ZNF236: variants seen among roughly 807,000 people sequenced by gnomAD.
ZNF236 encodes regulated by glucose.
A neutral mutation model predicts 191.2 loss-of-function variants in ZNF236; 50 were observed. The observed-to-expected ratio is 0.26, with a 90% CI of 0.21 to 0.33. The LOEUF (loss-of-function observed/expected upper bound fraction) is 0.33, where lower values mean the gene tolerates loss of function less well. ZNF236 is among the 10% of genes least tolerant of loss of function. ZNF236 has a pLI of 1.00. For synonymous variants in ZNF236, 907 were observed against 928.8 expected (o/e 0.98, Z 0.43); for missense variants, 1,754 against 2,374.5 (o/e 0.74, Z 5.43).
chr18:76,916,196 T>A (rs1448276491), intron 19 of ZNF236, among the ~76,000 whole-genome samples: 1 of 152,238 alleles, frequency 6.6e-6, no homozygotes, highest in Non-Finnish European at 1.5e-5. Context: ...CTATATAGTG[T>A]AGTATGCTTA....
At chr18:76,862,055 G>A (rs1976251859) in intron 3 of ZNF236, among the ~76,000 whole-genome samples, 1 of 152,010 alleles carries the variant, frequency 6.6e-6, no homozygotes, top group African/African-American at 2.4e-5. Flanking sequence ...AGTAGAGATG[G>A]GATTTCACTG....
chr18:76,966,899 T>C (rs1968789065), intron 30 of ZNF236, among the ~76,000 whole-genome samples: 1 of 152,186 alleles, frequency 6.6e-6, no homozygotes, highest in Non-Finnish European at 1.5e-5. Context: ...GAACTAGAAA[T>C]GTTAAAGTCT....
chr18:76,843,802 A>AAAAAAAAAAAAAT (rs1975589223), intron 1 of ZNF236, among the ~76,000 whole-genome samples: 1 of 133,926 alleles, frequency 7.5e-6, no homozygotes. Context: ...AAAAAAAAAA[A>AAAAAAAAAAAAAT]AAAGTAAAGA....
At chr18:76,959,424 A>G (rs1399888326) in intron 28 of ZNF236, among the ~76,000 whole-genome samples, 6 of 152,160 alleles carry the variant, frequency 3.9e-5, no homozygotes, top group Non-Finnish European at 5.9e-5. Flanking sequence ...TTCTACCCCT[A>G]TTTGGGACAC....
chr18:76,936,573 A>G (rs1227214591), intron 25 of ZNF236, among the ~76,000 whole-genome samples: 2 of 152,386 alleles, frequency 1.3e-5, no homozygotes, highest in Admixed American at 6.5e-5. Context: ...TAAAGGATTT[A>G]TGAGATGTAT....
intron 2 of ZNF236, among the ~76,000 whole-genome samples, chr18:76,850,287 A>G (rs1975821385): frequency 6.6e-6 from 1 of 152,168 alleles, no homozygotes; most frequent in South Asian, 2.1e-4. Context: ...GAGACTGGAA[A>G]AACACCATGG....
Position 76,875,707 on chromosome 18 carries a change from AG to A in ZNF236, c.840+44del, listed in dbSNP as rs1568207566. 1.4e-6 allele frequency: 2 copies of A among 1,402,930 alleles called. No individual in the cohort carries two copies. The allele number at this position is 1,402,930 out of a possible 1,614,324, so 86.9% of individuals were successfully genotyped here. ...GCATAAGCGGTATTTCACAGGGGAC[AG>A]TAGGTATCTTTTGGGTTAATAAACG... On this transcript the variant is annotated intron_variant, in intron 6 of 30. Transcript: ENST00000320610. The surrounding 1 kb of genome is among the most constrained non-coding windows in gnomAD (Gnocchi z 4.3).
intron 3 of ZNF236, among the ~76,000 whole-genome samples, chr18:76,868,432 G>A (rs1291470469): frequency 6.6e-6 from 1 of 152,146 alleles, no homozygotes; most frequent in African/African-American, 2.4e-5. Context: ...CTCAAAAATT[G>A]TGTCAATCTC....
Position 76,886,854 on chromosome 18 carries a change from G to T in ZNF236, c.1417+5342G>T, listed in dbSNP as rs79270526. On this transcript the variant is annotated intron_variant, in intron 9 of 30. Transcript: ENST00000320610. Reference sequence around the variant, plus strand: ...AGCAAAAGCCAGTATCTTAGAGGAGGTCCCGTCATCAGGAGCTAGTCACCG... The same window carrying T: ...AGCAAAAGCCAGTATCTTAGAGGAGTTCCCGTCATCAGGAGCTAGTCACCG... 1,492 of 171,884 alleles carry T rather than the reference G, an allele frequency of 8.7e-3. 24 individuals carry two copies. Among genetic ancestry groups the T allele is most frequent in the African/African-American group, 0.034 (1,431 of 41,694 alleles). The allele number at this position is 171,884 out of a possible 1,614,324, so 10.6% of individuals were successfully genotyped here.
In ZNF236 at chr18:76,960,611, T is replaced by G. The variant is rs1206838488; in HGVS notation, c.5243-68T>G. On this transcript the variant is annotated intron_variant, in intron 29 of 30. Coordinates refer to ENST00000320610, the MANE Select transcript of ZNF236 (RefSeq NM_001306089.2). The surrounding 1 kb of genome is among the most constrained non-coding windows in gnomAD (Gnocchi z 4.4). Reference sequence around the variant, plus strand: ...ACATTCAGTCCCTCTTGTTCATACCTCAGGGTAGAGCCCAGGCATCCACTA... The same window carrying G: ...ACATTCAGTCCCTCTTGTTCATACCGCAGGGTAGAGCCCAGGCATCCACTA... The G allele has an allele frequency of 2.5e-6, 4 of 1,579,100 alleles. No homozygotes were observed. In the Admixed American group the frequency reaches 5.0e-5, roughly 20 times the overall value.
At position 76,895,284 on chromosome 18, in the gene ZNF236, A is replaced by C. The variant is rs763159960; in HGVS notation, c.1689A>C (p.Thr563=). The C allele has an allele frequency of 6.3e-7, 1 of 1,598,568 alleles. No homozygotes were observed. The change falls in exon 10 of 31, where the codon ACA becomes ACC. Residue 563 remains threonine, a splice_region_variant and synonymous_variant. Coordinates refer to ENST00000320610, the MANE Select transcript of ZNF236 (RefSeq NM_001306089.2). ...GSLKVHIRLH[T]GVRPFACPHC... is the part of the protein sequence containing the mutation. ...TCAAGGTGCACATTCGCCTGCACACAGGTATGGCCTCAGGGCTGGGCCCAC... is the reference window on the plus strand; with the variant it reads ...TCAAGGTGCACATTCGCCTGCACACCGGTATGGCCTCAGGGCTGGGCCCAC...
chr18:76,850,219 TA>T (rs1244049922), intron 2 of ZNF236, among the ~76,000 whole-genome samples: 1 of 152,168 alleles, frequency 6.6e-6, no homozygotes, highest in Non-Finnish European at 1.5e-5. Context: ...AAACTATAAT[TA>T]AAAAAGTGAT....
chr18:76,925,882 A>T lies in ZNF236; in HGVS notation c.4027+328A>T, dbSNP rs184325267. Among the ~76,000 whole-genome samples, 50 of 152,338 alleles carry T rather than the reference A, an allele frequency of 3.3e-4. No individual in the cohort carries two copies. In the East Asian group the frequency reaches 8.3e-3, roughly 25 times the overall value. ...GAGAAGTGTAATTTATAAATACTCA[A>T]TAGCATTGTTTTTGATATAGTGCAG... On this transcript the variant is annotated intron_variant, in intron 22 of 30. Coordinates refer to ENST00000320610, the MANE Select transcript of ZNF236 (RefSeq NM_001306089.2). The surrounding 1 kb of genome is among the most constrained non-coding windows in gnomAD (Gnocchi z 5.7).
intron 1 of ZNF236, among the ~76,000 whole-genome samples, chr18:76,839,000 C>G (rs75933982): frequency 6.6e-6 from 1 of 152,172 alleles, no homozygotes; most frequent in African/African-American, 2.4e-5. Flanking sequence ...TGTTTTCTTA[C>G]GTCTGGCTTC....
At position 76,920,017 on chromosome 18, in the gene ZNF236, A is replaced by G. The variant is rs1224834399; in HGVS notation, c.3516A>G (p.Thr1172=). Residue 1172 remains threonine, a synonymous_variant, in exon 20 of 31, where the codon ACA becomes ACG. Coordinates refer to ENST00000320610, the MANE Select transcript of ZNF236 (RefSeq NM_001306089.2). ...AGCCCAAGCACGCCAACTGCTGCAC[A>G]TACTGCCCCAAGAGCTTCAAGAAAC... is the stretch of plus-strand genomic sequence containing the variant. ...QDEPKHANCC[T]YCPKSFKKPS... 1.9e-6 allele frequency: 3 copies of G among 1,613,014 alleles called. No individual in the cohort carries two copies. The East Asian group carries it at 6.7e-5, about 36-fold the overall frequency.
chr18:76,916,127 T>G (rs1967357641), intron 19 of ZNF236, among the ~76,000 whole-genome samples: 1 of 152,246 alleles, frequency 6.6e-6, no homozygotes, highest in Non-Finnish European at 1.5e-5. Flanking sequence ...CTTCCTTTCA[T>G]GCTTGGGCGC....
At chr18:76,951,017 C>G (rs1395718094) in intron 27 of ZNF236, among the ~76,000 whole-genome samples, 2 of 152,180 alleles carry the variant, frequency 1.3e-5, no homozygotes, top group Non-Finnish European at 2.9e-5. Context: ...TTTTTCTGAC[C>G]AGTAGGTCTC....
At chr18:76,848,571 G>A (rs1426266285) in intron 1 of ZNF236, among the ~76,000 whole-genome samples, 2 of 152,088 alleles carry the variant, frequency 1.3e-5, no homozygotes, top group Non-Finnish European at 2.9e-5. Context: ...TACCTGGGTG[G>A]GTTTATAGAA....
intron 25 of ZNF236, chr18:76,935,875 A>T: frequency 2.3e-6 from 1 of 436,606 alleles, no homozygotes; most frequent in Non-Finnish European, 4.6e-6. Context: ...CTCTGTGCGG[A>T]TGCTGGAGCA....
Sources: allele counts gnomAD v4.1 joint callset (sites outside exome capture counted in the v4.1 genomes callset), GRCh38; gene constraint gnomAD v4.1.1; non-coding constraint Gnocchi (gnomAD v3.1); transcripts MANE v1.5; gene names NCBI Gene and HGNC (gene_info 2026-07-23, HGNC 2026-07-21).